The following MBD5 variants were observed in gnomAD, a reference collection of about 807,000 sequenced individuals.
MBD5 encodes methyl-CpG binding domain protein 5.
A neutral mutation model predicts 117.3 loss-of-function variants in MBD5; 13 were observed. The observed-to-expected ratio is 0.11, with a 90% CI of 0.07 to 0.18. The LOEUF (loss-of-function observed/expected upper bound fraction) is 0.18, where lower values mean the gene tolerates loss of function less well. Ranked by LOEUF, MBD5 falls within the 10% of genes least tolerant of loss-of-function variation. MBD5 has a pLI of 1.00. For missense variants in MBD5, 1,879 were observed against 2,093.8 expected (o/e 0.90, Z 2.00); for synonymous variants, 727 against 766.4 (o/e 0.95, Z 0.85).
At chr2:148,293,429 A>G (rs11683219) in intron 3 of MBD5, among the ~76,000 whole-genome samples, 41,600 of 152,100 alleles carry the variant, frequency 0.27, 6,474 homozygotes, top group Admixed American at 0.37. Context: ...GCCAGAGGGG[A>G]TGGATACCCC....
intron 3 of MBD5, among the ~76,000 whole-genome samples, chr2:148,316,097 A>G (rs144442915): frequency 6.6e-6 from 1 of 152,136 alleles, no homozygotes; most frequent in Non-Finnish European, 1.5e-5. Context: ...AAACAACCAG[A>G]TCTCATGAGA....
chr2:148,462,811 T>A (rs1707133695), intron 6 of MBD5, 127 bp downstream of exon 6: 6 of 687,234 alleles, frequency 8.7e-6, no homozygotes, highest in South Asian at 8.6e-5. Context: ...TTTATCTAAT[T>A]CTCATATTTT....
chr2:148,222,966 G>A (rs1156243828), intron 2 of MBD5, among the ~76,000 whole-genome samples: 2 of 151,724 alleles, frequency 1.3e-5, no homozygotes, highest in East Asian at 3.9e-4. Context: ...TTTTAATGGT[G>A]GATTATAAAG....
At chr2:148,189,161 GC>G in intron 2 of MBD5, among the ~76,000 whole-genome samples, 1 of 146,952 alleles carries the variant, frequency 6.8e-6, no homozygotes, top group Admixed American at 6.7e-5. Flanking sequence ...AAACTGCAAG[GC>G]GGCAACGAGG....
chr2:148,284,510 C>G (rs577526325), intron 3 of MBD5, among the ~76,000 whole-genome samples: 1 of 152,288 alleles, frequency 6.6e-6, no homozygotes, highest in African/African-American at 2.4e-5. Flanking sequence ...TCATCCTTGA[C>G]TCGGTGCATG....
At chr2:148,136,078 G>T (rs187291908) in intron 1 of MBD5, among the ~76,000 whole-genome samples, 119 of 152,304 alleles carry the variant, frequency 7.8e-4, no homozygotes, top group African/African-American at 2.8e-3. Context: ...AGTATTCATA[G>T]TGGGGGGTGG....
intron 2 of MBD5, among the ~76,000 whole-genome samples, chr2:148,205,038 TC>T (rs1699242569): frequency 1.3e-5 from 2 of 152,108 alleles, no homozygotes; most frequent in South Asian, 4.1e-4. Context: ...ACCTGTTTTC[TC>T]CACTTTTTTT....
intron 3 of MBD5, among the ~76,000 whole-genome samples, chr2:148,330,175 T>C (rs1033496105): frequency 2.1e-5 from 3 of 141,320 alleles, no homozygotes; most frequent in African/African-American, 8.0e-5. Flanking sequence ...TTCAGATAGG[T>C]TGATATGAGA....
chr2:148,456,309 C>A (rs528030852), intron 4 of MBD5, among the ~76,000 whole-genome samples: 1 of 152,150 alleles, frequency 6.6e-6, no homozygotes, highest in South Asian at 2.1e-4. Context: ...ACTGCAAACT[C>A]ACATGTTGGA....
At chr2:148,125,116 A>G (rs1339387155) in intron 1 of MBD5, among the ~76,000 whole-genome samples, 1 of 151,972 alleles carries the variant, frequency 6.6e-6, no homozygotes, top group Admixed American at 6.6e-5. Context: ...ATATTTTGAC[A>G]TCTCTGAACT....
At chr2:148,312,254 G>A in intron 3 of MBD5, among the ~76,000 whole-genome samples, 1 of 152,138 alleles carries the variant, frequency 6.6e-6, no homozygotes, top group South Asian at 2.1e-4. Flanking sequence ...TTTCCAACTT[G>A]GTTGCGTTCT....
chr2:148,068,400 T>TTAA (rs2105057142), intron 1 of MBD5, among the ~76,000 whole-genome samples: 1 of 152,310 alleles, frequency 6.6e-6, no homozygotes, highest in African/African-American at 2.4e-5. Context: ...TAAGGAGACC[T>TTAA]CTTAGTGGGC....
chr2:148,296,163 C>A, intron 3 of MBD5: 1 of 201,896 alleles, frequency 5.0e-6, no homozygotes, highest in South Asian at 1.0e-4. Context: ...TACATTGGGT[C>A]TGGTGTGCTG....
At chr2:148,361,114 G>T (rs912098868) in intron 4 of MBD5, among the ~76,000 whole-genome samples, 1 of 152,164 alleles carries the variant, frequency 6.6e-6, no homozygotes, top group African/African-American at 2.4e-5. Context: ...TTGGGAGGCC[G>T]AGGCAGCCGG....
At chr2:148,127,272 A>T (rs924217897) in intron 1 of MBD5, among the ~76,000 whole-genome samples, 9 of 152,036 alleles carry the variant, frequency 5.9e-5, no homozygotes, top group African/African-American at 2.2e-4. Context: ...CTTGCGCAGG[A>T]TATGCAGGTT....
intron 1 of MBD5, among the ~76,000 whole-genome samples, chr2:148,074,495 G>GTTTTTTTTTTT (rs1034437368): frequency 2.7e-5 from 3 of 109,840 alleles, no homozygotes; most frequent in Non-Finnish European, 3.7e-5. Context: ...TTTTTTTTTT[G>GTTTTTTTTTTT]TTTTTTTTTT....
chr2:148,376,833 A>ACATATATATAATTATATATTATAAT (rs1704004440), intron 4 of MBD5, among the ~76,000 whole-genome samples: 5 of 79,568 alleles, frequency 6.3e-5, no homozygotes, highest in Admixed American at 1.4e-4. Context: ...AATATATATA[A>ACATATATATAATTATATATTATAAT]CATATATATA....
At chr2:148,247,569 G>A (rs1468483065) in intron 3 of MBD5, among the ~76,000 whole-genome samples, 1 of 152,070 alleles carries the variant, frequency 6.6e-6, no homozygotes, top group African/African-American at 2.4e-5. Flanking sequence ...ATTTAAGCTT[G>A]TACAGCGTAT....
At chr2:148,055,365 A>ATTTT (rs1694827313) in intron 1 of MBD5, 1 of 147,544 alleles carries the variant, frequency 6.8e-6, no homozygotes, top group Admixed American at 6.7e-5. Context: ...GGATCTAATT[A>ATTTT]TTTTTGCCTT....
Sources: gnomAD v4.1 joint callset for allele counts (sites outside exome capture counted in the v4.1 genomes callset) on GRCh38, gnomAD v4.1.1 for gene constraint, MANE v1.5 for transcripts, NCBI Gene and HGNC (gene_info 2026-07-23, HGNC 2026-07-21) for gene names.